Variants in ZNF628 observed in about 807,000 individuals in gnomAD.
The protein encoded by ZNF628 is zinc finger protein Zec.
Under a neutral mutation model 2.5 loss-of-function variants are expected in ZNF628, and 3 were observed. That is an observed-to-expected ratio of 1.19 (90% CI 0.54 to 3.07). The LOEUF (loss-of-function observed/expected upper bound fraction) is 3.07. Ranked by LOEUF, ZNF628 falls within the 30% of genes most tolerant of loss-of-function variation. ZNF628 has a pLI of 0.03. For synonymous variants in ZNF628, 861 were observed against 717.1 expected, an observed-to-expected ratio of 1.20 and a Z score of -3.21; for missense variants, 1,610 against 1,517.1, an observed-to-expected ratio of 1.06 and a Z score of -1.02.
In ZNF628 at chr19:55,479,925, C is replaced by G; in HGVS notation, c.7+8C>G. On this transcript the variant is annotated splice_region_variant and intron_variant, in intron 2 of 2. Transcript: ENST00000598519. The surrounding 1 kb of genome is among the most constrained non-coding windows in gnomAD (Gnocchi z 5.1). ...GAGAAAGAAGCATGTCAGGTAGTCA[C>G]CTGGGGAGTGCATGGGCCAGAGACA... The G allele has an allele frequency of 2.5e-6, 1 of 399,780 alleles. No homozygotes were observed. Among genetic ancestry groups the G allele is most frequent in the African/African-American group, 2.1e-5 (1 of 48,732 alleles). The allele number at this position is 399,780 out of a possible 1,614,324, so 24.8% of individuals were successfully genotyped here.
rs999543676 is a variant in ZNF628 at position 55,483,165 on chromosome 19, G to A, written c.1972G>A (p.Ala658Thr). 24 of 1,553,144 alleles carry A rather than the reference G, an allele frequency of 1.5e-5. No individual in the cohort carries two copies. The highest frequency in any genetic ancestry group is 1.5e-4 in the Admixed American group (8 of 53,318). ...GCCTCCCAGCACCACAGCCCCTGCCGCCGGCCCCCAGCCCCCTGCTCCACT... is the reference window on the plus strand; with the variant it reads ...GCCTCCCAGCACCACAGCCCCTGCCACCGGCCCCCAGCCCCCTGCTCCACT... Reference protein sequence around the residue: ...NTPPSTTAPAAGPQPPAPLAA... With the variant: ...NTPPSTTAPATGPQPPAPLAA... Residue 658 changes from alanine (A) to threonine (T), a missense_variant, in exon 3 of 3, where the codon GCC becomes ACC. Ala to Thr is a moderately conservative substitution (Grantham distance 58, BLOSUM62 0). Coordinates refer to ENST00000598519, the MANE Select transcript of ZNF628 (RefSeq NM_033113.3).
rs982866143 is a variant in ZNF628, at chr19:55,484,161, A to G, written c.2968A>G (p.Asn990Asp). 6 of 1,574,372 alleles carry G rather than the reference A, an allele frequency of 3.8e-6. No individual in the cohort carries two copies. In the African/African-American group the frequency reaches 5.4e-5, roughly 14 times the overall value. The change falls in exon 3 of 3, where the codon AAC becomes GAC. Residue 990 changes from asparagine (N) to aspartate (D), a missense_variant. By Grantham distance (23) the Asn-to-Asp change is conservative. Transcript: ENST00000598519. ...APATELLDSS[N>D]TGGGTATLQL... is the part of the protein sequence containing the mutation. ...AGCCACTGAGCTGCTGGACAGCAGC[A>G]ACACTGGAGGAGGCACCGCCACGCT... is the stretch of plus-strand genomic sequence containing the variant.
chr19:55,481,177 G>T (rs1241195989), intron 2 of ZNF628, 24 bp from the exon 3 acceptor site: 1 of 1,499,596 alleles, frequency 6.7e-7, no homozygotes, highest in Non-Finnish European at 8.9e-7. Flanking sequence ...GGGGTGAGCC[G>T]CTGACCCAGA....
chr19:55,482,151 G>A lies in ZNF628; in HGVS notation c.958G>A (p.Asp320Asn), dbSNP rs1189808316. ...GGAGCACCAGCCGTGCCCCGGGCCC[G>A]ATGCGGCGCCCCAGCCCCAGGAGGC... Reference protein sequence around the residue: ...LLEHQPCPGPDAAPQPQEAPA... With the variant: ...LLEHQPCPGPNAAPQPQEAPA... Residue 320 changes from aspartate to asparagine, a missense_variant, in exon 3 of 3, where the codon GAT becomes AAT. By Grantham distance (23) the Asp-to-Asn change is conservative (BLOSUM62 1). Coordinates refer to ENST00000598519, the MANE Select transcript of ZNF628 (RefSeq NM_033113.3). 3 of 1,499,604 alleles carry A rather than the reference G, an allele frequency of 2.0e-6. No homozygotes were observed. Among genetic ancestry groups the A allele is most frequent in the Non-Finnish European group, 2.7e-6 (3 of 1,128,606 alleles). 92.9% of individuals were successfully genotyped at this position (1,499,604 alleles called of 1,614,324 possible).
In ZNF628 at chr19:55,477,591, G is replaced by A. The variant is rs543940236; in HGVS notation, c.-78+784G>A. On this transcript the variant is annotated intron_variant, in intron 1 of 2. Transcript: ENST00000598519. ...AGCCCAGGCAATATGGTGAAACCCC[G>A]TCTCTACTAAAAATACAAAAATTAG... Among the ~76,000 whole-genome samples, 63 of 151,888 alleles carry A rather than the reference G, an allele frequency of 4.1e-4. No homozygotes were observed. The East Asian group carries it at 0.011, about 28-fold the overall frequency.
Position 55,479,769 on chromosome 19 carries a change from G to T in ZNF628, c.-77-65G>T. 2.5e-6 allele frequency: 1 copy of T among 394,538 alleles called. No homozygotes were observed. Among genetic ancestry groups the T allele is most frequent in the South Asian group, 1.4e-4 (1 of 7,362 alleles). The allele number at this position is 394,538 out of a possible 1,614,324, so 24.4% of individuals were successfully genotyped here. A position where few individuals can be genotyped will look rare whatever the true frequency, so the allele number is the denominator to read the frequency against. ...GTTGAAGGCACAGTTTGTCCCAGTT[G>T]AGAACCACTAGTATCGTGGTCAGAA... On this transcript the variant is annotated intron_variant, in intron 1 of 2. Transcript: ENST00000598519. The surrounding 1 kb of genome is among the most constrained non-coding windows in gnomAD (Gnocchi z 5.1).
chr19:55,484,038 C>T lies in ZNF628; in HGVS notation c.2845C>T (p.Leu949Phe). Residue 949 changes from leucine to phenylalanine, a missense_variant, in exon 3 of 3, where the codon CTC becomes TTC. Physicochemically the swap from Leu to Phe is conservative, Grantham distance 22. Around this residue, in one of 5 missense-constraint regions of ZNF628, gnomAD observed 712 missense variants for 603.6 expected, o/e 1.18. Transcript: ENST00000598519. ...CGGGGCCGATGGCGAACAGACTCGA[C>T]TCTGCGTACAGGAGGTAGAAACACT... is the stretch of plus-strand genomic sequence containing the variant. Reference protein sequence around the residue: ...LSGADGEQTRLCVQEVETLPP... With the variant: ...LSGADGEQTRFCVQEVETLPP... 1.9e-6 allele frequency: 3 copies of T among 1,595,724 alleles called. No homozygotes were observed. The highest frequency in any genetic ancestry group is 2.3e-5 in the East Asian group (1 of 43,756).
chr19:55,481,235 G>T lies in ZNF628; in HGVS notation c.42G>T (p.Pro14=). The T allele has an allele frequency of 6.4e-7, 1 of 1,574,650 alleles. No homozygotes were observed. ...TCGGCTCCCACGCGGACATGGCGCC[G>T]GCCTCTACTGCGGAGGGGGCCGGGG... ...VMVGSHADMA[P]ASTAEGAGEK... is the part of the protein sequence containing the mutation. The change falls in exon 3 of 3, where the codon CCG becomes CCT. Residue 14 remains proline, a synonymous_variant. Coordinates refer to ENST00000598519, the MANE Select transcript of ZNF628 (RefSeq NM_033113.3).
At position 55,481,310 on chromosome 19, in the gene ZNF628, G is replaced by A; in HGVS notation, c.117G>A (p.Gly39=). The A allele has an allele frequency of 6.2e-7, 1 of 1,610,620 alleles. No individual in the cohort carries two copies. Among genetic ancestry groups the A allele is most frequent in the South Asian group, 1.1e-5 (1 of 90,878 alleles). ...CCCCGGCGGCCCAGTACGAATGTGG[G>A]GAGTGTGGCAAGTCATTCCGGTGGT... ...APAPAAQYEC[G]ECGKSFRWSS... The change falls in exon 3 of 3, where the codon GGG becomes GGA. Residue 39 remains glycine (G), a synonymous_variant. Coordinates refer to ENST00000598519, the MANE Select transcript of ZNF628 (RefSeq NM_033113.3).
rs115476427 is a variant in ZNF628, at chr19:55,479,440, G to A, written c.-77-394G>A. On this transcript the variant is annotated intron_variant, in intron 1 of 2. Transcript: ENST00000598519. The surrounding 1 kb of genome is among the most constrained non-coding windows in gnomAD (Gnocchi z 5.1). ...AAGAGCTTTTTGGTTTTTAAAGATG[G>A]GAGACATAGATTGTTGGTTCTGCAG... Among the ~76,000 whole-genome samples, 344 of 152,298 alleles carry A rather than the reference G, an allele frequency of 2.3e-3. No individual in the cohort carries two copies. Among genetic ancestry groups the A allele is most frequent in the African/African-American group, 7.9e-3 (330 of 41,562 alleles).
chr19:55,483,586 G>A lies in ZNF628; in HGVS notation c.2393G>A (p.Ser798Asn), dbSNP rs1986813729. 1.2e-6 allele frequency: 2 copies of A among 1,611,814 alleles called. No individual in the cohort carries two copies. The highest frequency in any genetic ancestry group is 1.1e-5 in the South Asian group (1 of 90,890). The change falls in exon 3 of 3, where the codon AGC becomes AAC. Residue 798 changes from serine to asparagine, a missense_variant. Physicochemically the swap from Ser to Asn is conservative, Grantham distance 46 (BLOSUM62 1). Around this residue, in one of 5 missense-constraint regions of ZNF628, gnomAD observed 712 missense variants for 603.6 expected, o/e 1.18. Coordinates refer to ENST00000598519, the MANE Select transcript of ZNF628 (RefSeq NM_033113.3). The part of the protein sequence containing the change: ...ASAGASGTGQ[S>N]LIVLQNVGGG... ...GCTGGGGCCAGCGGGACAGGGCAGAGCCTCATCGTTCTGCAGAATGTGGGG... is the reference window on the plus strand; with the variant it reads ...GCTGGGGCCAGCGGGACAGGGCAGAACCTCATCGTTCTGCAGAATGTGGGG...
chr19:55,480,314 C>T (rs1460292242), intron 2 of ZNF628, among the ~76,000 whole-genome samples: 2 of 143,426 alleles, frequency 1.4e-5, no homozygotes, highest in African/African-American at 5.2e-5. Context: ...GGTGTGATCT[C>T]GGCTTACTGC....
Position 55,483,864 on chromosome 19 carries a change from G to A in ZNF628, c.2671G>A (p.Val891Ile), listed in dbSNP as rs1986827230. The change falls in exon 3 of 3, where the codon GTT becomes ATT. Residue 891 changes from valine to isoleucine, a missense_variant. Physicochemically the swap from Val to Ile is conservative, Grantham distance 29. Coordinates refer to ENST00000598519, the MANE Select transcript of ZNF628 (RefSeq NM_033113.3). ...AVATEAPNLL[V>I]VQSGAAEELL... Reference sequence around the variant, plus strand: ...GGCTACTGAGGCACCCAACCTGCTGGTTGTTCAGAGCGGGGCAGCTGAGGA... The same window carrying A: ...GGCTACTGAGGCACCCAACCTGCTGATTGTTCAGAGCGGGGCAGCTGAGGA... 6.2e-7 allele frequency: 1 copy of A among 1,611,576 alleles called. No homozygotes were observed. Among genetic ancestry groups the A allele is most frequent in the Non-Finnish European group, 8.5e-7 (1 of 1,178,904 alleles).
chr19:55,483,860 G>C lies in ZNF628; in HGVS notation c.2667G>C (p.Leu889=). 1.9e-6 allele frequency: 3 copies of C among 1,611,976 alleles called. No individual in the cohort carries two copies. The highest frequency in any genetic ancestry group is 2.5e-6 in the Non-Finnish European group (3 of 1,179,104). ...GGAVATEAPN[L]LVVQSGAAEE... ...CTGTGGCTACTGAGGCACCCAACCTGCTGGTTGTTCAGAGCGGGGCAGCTG... is the reference window on the plus strand; with the variant it reads ...CTGTGGCTACTGAGGCACCCAACCTCCTGGTTGTTCAGAGCGGGGCAGCTG... The change falls in exon 3 of 3, where the codon CTG becomes CTC. Residue 889 remains leucine (L), a synonymous_variant. Coordinates refer to ENST00000598519, the MANE Select transcript of ZNF628 (RefSeq NM_033113.3).
Position 55,482,330 on chromosome 19 carries a change from G to T in ZNF628, c.1137G>T (p.Gly379=). The change falls in exon 3 of 3, where the codon GGG becomes GGT. Residue 379 remains glycine, a synonymous_variant. Transcript: ENST00000598519. Reference sequence around the variant, plus strand: ...TCTCCCGCCACCAGCACAGCCACGGGGCTGCCGGCGGGCAAGCGTTCCGCT... The same window carrying T: ...TCTCCCGCCACCAGCACAGCCACGGTGCTGCCGGCGGGCAAGCGTTCCGCT... The part of the protein sequence containing the change: ...AGLSRHQHSH[G]AAGGQAFRCG... 1 of 1,456,798 alleles carries T rather than the reference G, an allele frequency of 6.9e-7. No individual in the cohort carries two copies. The highest frequency in any genetic ancestry group is 9.0e-7 in the Non-Finnish European group (1 of 1,110,192). The allele number at this position is 1,456,798 out of a possible 1,614,324, so 90.2% of individuals were successfully genotyped here. A position where few individuals can be genotyped will look rare whatever the true frequency, so the allele number is the denominator to read the frequency against.
At position 55,484,331 on chromosome 19, in the gene ZNF628, T is replaced by G; in HGVS notation, c.3138T>G (p.Ile1046Met). Residue 1046 changes from isoleucine to methionine, a missense_variant, in exon 3 of 3, where the codon ATT becomes ATG. Physicochemically the swap from Ile to Met is conservative, Grantham distance 10. Coordinates refer to ENST00000598519, the MANE Select transcript of ZNF628 (RefSeq NM_033113.3). ...CTCAGGGCCTGCCCTCCATCCAGAT[T>G]GTCCAGACTCTACCCGCAGTCCAGC... ...MTPQGLPSIQ[I>M]VQTLPAVQLV... 1 of 1,473,840 alleles carries G rather than the reference T, an allele frequency of 6.8e-7. No individual in the cohort carries two copies. The highest frequency in any genetic ancestry group is 9.0e-7 in the Non-Finnish European group (1 of 1,109,182). The allele number at this position is 1,473,840 out of a possible 1,614,324, so 91.3% of individuals were successfully genotyped here.
intron 1 of ZNF628, among the ~76,000 whole-genome samples, chr19:55,478,846 G>C (rs1462597214): frequency 6.6e-6 from 1 of 152,176 alleles, no homozygotes; most frequent in Non-Finnish European, 1.5e-5. Context: ...GAAGAAGACG[G>C]CTGCCATTTT....
rs1484730365 is a variant in ZNF628, at chr19:55,481,230, G to A, written c.37G>A (p.Ala13Thr). ...GVMVGSHADM[A>T]PASTAEGAGE... ...GATGGTCGGCTCCCACGCGGACATG[G>A]CGCCGGCCTCTACTGCGGAGGGGGC... Residue 13 changes from alanine (A) to threonine (T), a missense_variant, in exon 3 of 3, where the codon GCG becomes ACG. Coordinates refer to ENST00000598519, the MANE Select transcript of ZNF628 (RefSeq NM_033113.3). The A allele has an allele frequency of 6.4e-7, 1 of 1,570,076 alleles. No individual in the cohort carries two copies. Among genetic ancestry groups the A allele is most frequent in the Non-Finnish European group, 8.6e-7 (1 of 1,161,080 alleles).
chr19:55,482,399 G>A lies in ZNF628; in HGVS notation c.1206G>A (p.Leu402=). 7.1e-7 allele frequency: 1 copy of A among 1,407,404 alleles called. No individual in the cohort carries two copies. Among genetic ancestry groups the A allele is most frequent in the Non-Finnish European group, 9.2e-7 (1 of 1,084,120 alleles). 87.2% of individuals were successfully genotyped at this position (1,407,404 alleles called of 1,614,324 possible). A position where few individuals can be genotyped will look rare whatever the true frequency, so the allele number is the denominator to read the frequency against. Reference sequence around the variant, plus strand: ...CCTTCCCGCAGCTGGCCAGCCTCCTGGCGCATCAGCAGTGCCACGTGGAAG... The same window carrying A: ...CCTTCCCGCAGCTGGCCAGCCTCCTAGCGCATCAGCAGTGCCACGTGGAAG... The part of the protein sequence containing the change: ...DGSFPQLASL[L]AHQQCHVEEA... Residue 402 remains leucine (L), a synonymous_variant, in exon 3 of 3, where the codon CTG becomes CTA. Coordinates refer to ENST00000598519, the MANE Select transcript of ZNF628 (RefSeq NM_033113.3).
Sources: allele counts gnomAD v4.1 joint callset (sites outside exome capture counted in the v4.1 genomes callset), GRCh38; gene constraint gnomAD v4.1.1; regional missense constraint gnomAD v4.1.1; non-coding constraint Gnocchi (gnomAD v3.1); transcripts MANE v1.5; gene names NCBI Gene and HGNC (gene_info 2026-07-23, HGNC 2026-07-21).